Variants in NUDT2 observed in about 807,000 individuals in gnomAD.
NUDT2 encodes the protein bis(5'-nucleosyl)-tetraphosphatase [asymmetrical].
NUDT2 carries 12 observed loss-of-function variants against 14.2 expected under a neutral mutation model. The observed-to-expected ratio is 0.84, with a 90% CI of 0.54 to 1.37. The LOEUF (loss-of-function observed/expected upper bound fraction) is 1.37. NUDT2 is among the 40% of genes most tolerant of loss of function. The pLI, the probability that NUDT2 is intolerant of heterozygous loss-of-function variation, is 0.00. For missense variants in NUDT2, 167 were observed against 176.7 expected (o/e 0.95, Z 0.31); for synonymous variants, 67 against 67.4 (o/e 0.99, Z 0.03).
In NUDT2 at chr9:34,343,275, C is replaced by A; in HGVS notation, c.279C>A (p.Tyr93Ter). 6.2e-7 allele frequency: 1 copy of A among 1,612,080 alleles called. No homozygotes were observed. Among genetic ancestry groups the A allele is most frequent in the Non-Finnish European group, 8.5e-7 (1 of 1,179,504 alleles). Reference protein sequence around the residue: ...VARNKPKTVIYWLAEVKDYDV... With the variant: ...VARNKPKTVI ...GGAACAAGCCTAAAACAGTCATTTA[C>A]TGGCTGGCGGAGGTGAAGGACTATG... Residue 93 changes from tyrosine (Y) to a stop codon, truncating the protein, a stop_gained, in exon 5 of 5, where the codon TAC becomes TAA. Coordinates refer to ENST00000379158, the MANE Select transcript of NUDT2 (RefSeq NM_001161.5). LOFTEE classifies it high-confidence loss of function.
rs1309683775 is a variant in NUDT2, at chr9:34,343,495, T to G, written c.*55T>G. On this transcript the variant is annotated 3_prime_UTR_variant, in exon 5 of 5. Coordinates refer to ENST00000379158, the MANE Select transcript of NUDT2 (RefSeq NM_001161.5). Reference sequence around the variant, plus strand: ...CAGGATCCTTGTGGGCCTTCTAAGATGAAGCCACCCTCAGGTCCAGGGAAG... The same window carrying G: ...CAGGATCCTTGTGGGCCTTCTAAGAGGAAGCCACCCTCAGGTCCAGGGAAG... The G allele has an allele frequency of 6.9e-7, 1 of 1,443,412 alleles. No homozygotes were observed. The highest frequency in any genetic ancestry group is 9.3e-7 in the Non-Finnish European group (1 of 1,077,660). 89.4% of individuals were successfully genotyped at this position (1,443,412 alleles called of 1,614,324 possible).
At chr9:34,338,041 A>G (rs931239512) in intron 2 of NUDT2, among the ~76,000 whole-genome samples, 1 of 150,102 alleles carries the variant, frequency 6.7e-6, no homozygotes. Flanking sequence ...ACAGGGTTTC[A>G]CCATGTTGGC....
rs188640292 is a variant in NUDT2, at chr9:34,334,838, T to C, written c.-264-1391T>C. Among the ~76,000 whole-genome samples the C allele has an allele frequency of 2.5e-3, 376 of 152,336 alleles. 1 individual carries two copies. The highest frequency in any genetic ancestry group is 4.2e-3 in the Non-Finnish European group (283 of 68,022). Reference sequence around the variant, plus strand: ...CAGTTTAGCTAAGCTGGATTCCCAGTATCCTTCCTATCTGCTTCCAGGTGA... The same window carrying C: ...CAGTTTAGCTAAGCTGGATTCCCAGCATCCTTCCTATCTGCTTCCAGGTGA... On this transcript the variant is annotated intron_variant, in intron 1 of 4. Transcript: ENST00000379158.
intron 1 of NUDT2, among the ~76,000 whole-genome samples, chr9:34,333,529 A>G (rs1426728820): frequency 6.6e-6 from 1 of 151,078 alleles, no homozygotes; most frequent in African/African-American, 2.4e-5. Flanking sequence ...GCTACCCAGG[A>G]GGCTAAGACA....
intron 1 of NUDT2, among the ~76,000 whole-genome samples, chr9:34,335,769 G>A (rs1157769906): frequency 6.6e-6 from 1 of 152,166 alleles, no homozygotes; most frequent in Non-Finnish European, 1.5e-5. Flanking sequence ...CTTAGATGTG[G>A]TCATCCCTAA....
rs769663708 is a variant in NUDT2 at position 34,343,108 on chromosome 9, C to CT, written c.128-12dup. ...AAGATTTCCTCCTCCTTTTCTTCCT[C>CT]TTTTCTCCTAACTAGGCCATGTGGA... On this transcript the variant is annotated splice_polypyrimidine_tract_variant and intron_variant, in intron 4 of 4. Transcript: ENST00000379158. The CT allele has an allele frequency of 2.9e-5, 45 of 1,576,188 alleles. No homozygotes were observed. The highest frequency in any genetic ancestry group is 2.6e-6 in the Non-Finnish European group (3 of 1,159,420).
intron 2 of NUDT2, among the ~76,000 whole-genome samples, chr9:34,336,576 G>A (rs901000232): frequency 1.3e-5 from 2 of 151,950 alleles, no homozygotes; most frequent in African/African-American, 2.4e-5. Context: ...AGGTCTCACT[G>A]TATTGCCCAG....
intron 2 of NUDT2, among the ~76,000 whole-genome samples, chr9:34,338,327 T>TAAAAAAAAAAAAAAAAAAA (rs61594121): frequency 4.4e-4 from 15 of 33,738 alleles, no homozygotes; most frequent in East Asian, 3.4e-3. Flanking sequence ...ACCCTGTCTC[T>TAAAAAAAAAAAAAAAAAAA]AAAAAAAAAA....
intron 4 of NUDT2, among the ~76,000 whole-genome samples, chr9:34,339,648 G>A (rs1434210996): frequency 6.6e-6 from 1 of 152,150 alleles, no homozygotes; most frequent in East Asian, 1.9e-4. Flanking sequence ...CTCGAGACCA[G>A]CCTGGGCAAA....
At chr9:34,336,418 T>A (rs1838089144) in intron 2 of NUDT2, 77 bp downstream of exon 2, 1 of 152,200 alleles carries the variant, frequency 6.6e-6, no homozygotes, top group Non-Finnish European at 1.5e-5. Context: ...GCCTACCACT[T>A]TATATATGAA....
chr9:34,332,621 G>GT (rs1246874842), intron 1 of NUDT2, among the ~76,000 whole-genome samples: 20 of 152,140 alleles, frequency 1.3e-4, no homozygotes, highest in Non-Finnish European at 2.4e-4. Flanking sequence ...TCCCAACCTT[G>GT]TCTGACTTTG....
intron 4 of NUDT2, among the ~76,000 whole-genome samples, chr9:34,342,323 T>A (rs1209477332): frequency 2.6e-5 from 4 of 152,194 alleles, no homozygotes. Flanking sequence ...GGCCCTGGAA[T>A]GTCAGGGTCC....
At chr9:34,331,974 C>A (rs1166153612) in intron 1 of NUDT2, among the ~76,000 whole-genome samples, 1 of 152,184 alleles carries the variant, frequency 6.6e-6, no homozygotes, top group East Asian at 1.9e-4. Context: ...TCATCCCTTC[C>A]TTTCCTTTCT....
At position 34,343,160 on chromosome 9, in the gene NUDT2, C is replaced by T; in HGVS notation, c.164C>T (p.Ala55Val). ...VEPGEDDLET[A>V]LRETQEEAGI... is the part of the protein sequence containing the mutation. ...CCAGGAGAGGATGACTTGGAAACAG[C>T]CCTGAGGGAGACCCAAGAGGAAGCA... The change falls in exon 5 of 5, where the codon GCC (alanine) becomes GTC (valine). Residue 55 changes from alanine (A) to valine (V), a missense_variant. By Grantham distance (64) the Ala-to-Val change is moderately conservative. Coordinates refer to ENST00000379158, the MANE Select transcript of NUDT2 (RefSeq NM_001161.5). 2 of 1,613,958 alleles carry T rather than the reference C, an allele frequency of 1.2e-6. No homozygotes were observed. The highest frequency in any genetic ancestry group is 1.7e-6 in the Non-Finnish European group (2 of 1,179,956).
At chr9:34,330,761 A>T (rs1837897389) in intron 1 of NUDT2, among the ~76,000 whole-genome samples, 1 of 152,116 alleles carries the variant, frequency 6.6e-6, no homozygotes, top group Admixed American at 6.5e-5. Flanking sequence ...GGAGATCGAG[A>T]CCATCCTGGC....
chr9:34,338,337 A>AT (rs1409106801), intron 2 of NUDT2, among the ~76,000 whole-genome samples: 1 of 104,022 alleles, frequency 9.6e-6, no homozygotes, highest in Non-Finnish European at 2.4e-5. Context: ...TAAAAAAAAA[A>AT]AAAAAAAAAA....
chr9:34,330,680 G>C (rs1476186546), intron 1 of NUDT2, among the ~76,000 whole-genome samples: 1 of 152,168 alleles, frequency 6.6e-6, no homozygotes, highest in Non-Finnish European at 1.5e-5. Context: ...AAATGGTAGC[G>C]GCCGGGCGCG....
chr9:34,335,106 C>T (rs914308101), intron 1 of NUDT2, among the ~76,000 whole-genome samples: 1 of 152,178 alleles, frequency 6.6e-6, no homozygotes, highest in African/African-American at 2.4e-5. Flanking sequence ...GAGTCCTGGG[C>T]CATGTGTGCA....
At chr9:34,331,344 G>T (rs1482451227) in intron 1 of NUDT2, among the ~76,000 whole-genome samples, 8 of 152,158 alleles carry the variant, frequency 5.3e-5, no homozygotes, top group Admixed American at 5.2e-4. Flanking sequence ...CTCTATATAT[G>T]TCATTTATAA....
Sources: allele counts gnomAD v4.1 joint callset (sites outside exome capture counted in the v4.1 genomes callset), GRCh38; gene constraint gnomAD v4.1.1; transcripts MANE v1.5; gene names NCBI Gene and HGNC (gene_info 2026-07-23, HGNC 2026-07-21).